The following PCDHA3 variants were observed in gnomAD, a reference collection of about 807,000 sequenced individuals.
PCDHA3 encodes protocadherin alpha-3.
In PCDHA3, 41 loss-of-function variants were observed where a neutral mutation model predicts 62.2. The ratio of observed to expected loss-of-function variants is 0.66; its 90% CI spans 0.51 to 0.86. The LOEUF (loss-of-function observed/expected upper bound fraction) is 0.86. Ranked by LOEUF, PCDHA3 falls within the 40% of genes least tolerant of loss-of-function variation. PCDHA3 has a pLI of 0.00. For synonymous variants in PCDHA3, 640 were observed against 555.4 expected, an observed-to-expected ratio of 1.15 and a Z score of -2.14; for missense variants, 1,304 against 1,241.2, an observed-to-expected ratio of 1.05 and a Z score of -0.76.
chr5:140,875,993 T>C lies in PCDHA3; in HGVS notation c.2394+72402T>C, dbSNP rs574636926. 5 of 1,613,988 alleles carry C rather than the reference T, an allele frequency of 3.1e-6. No homozygotes were observed. The Admixed American group carries it at 6.7e-5, about 22-fold the overall frequency. On this transcript the variant is annotated intron_variant, in intron 1 of 3. Transcript: ENST00000522353. The stretch of plus-strand genomic sequence containing the variant: ...TCTCTTTTGACCTATGCGTTAAGTC[T>C]AAATGAGAATTTTGAGCTTAAAATA...
chr5:140,850,487 T>C (rs2150486193), intron 1 of PCDHA3: 2 of 1,597,790 alleles, frequency 1.3e-6, no homozygotes, highest in East Asian at 2.2e-5. Flanking sequence ...CCACGGCCAC[T>C]GTGCTGGTGT....
chr5:140,946,648 C>A (rs1195536248), intron 1 of PCDHA3, among the ~76,000 whole-genome samples: 2 of 99,274 alleles, frequency 2.0e-5, no homozygotes, highest in African/African-American at 1.2e-4. Flanking sequence ...GAATACTCAT[C>A]AGCCATTAGA....
chr5:140,876,560 C>T (rs2056422143), intron 1 of PCDHA3: 2 of 1,614,068 alleles, frequency 1.2e-6, no homozygotes, highest in African/African-American at 2.7e-5. Flanking sequence ...CAAGAGGATG[C>T]TCAGGTGGGT....
intron 1 of PCDHA3, chr5:140,877,750 T>C (rs782654875): frequency 6.2e-7 from 1 of 1,614,146 alleles, no homozygotes; most frequent in Non-Finnish European, 8.5e-7. Flanking sequence ...GAGGGTGTGC[T>C]CTGCAGAGAG....
rs1375080438 is a variant in PCDHA3, at chr5:140,807,601, G to T, written c.2394+4010G>T. 3 of 1,614,072 alleles carry T rather than the reference G, an allele frequency of 1.9e-6. No individual in the cohort carries two copies. The African/African-American group carries it at 4.0e-5, about 22-fold the overall frequency. ...CGCCGGTGTTCCCAGCAACACAAAA[G>T]AACCTGTCCATCGCGGAATCCAGGC... On this transcript the variant is annotated intron_variant, in intron 1 of 3. Coordinates refer to ENST00000522353, the MANE Select transcript of PCDHA3 (RefSeq NM_018906.3).
intron 1 of PCDHA3, chr5:140,831,249 A>G (rs1232013829): frequency 5.3e-5 from 8 of 152,084 alleles, no homozygotes; most frequent in African/African-American, 1.9e-4. Flanking sequence ...CGGCTCTCTT[A>G]TTTCTGTTTG....
At chr5:140,886,772 G>A (rs910164045) in intron 1 of PCDHA3, among the ~76,000 whole-genome samples, 16 of 143,450 alleles carry the variant, frequency 1.1e-4, no homozygotes, top group Non-Finnish European at 1.8e-4. Flanking sequence ...GTTGCAGTGA[G>A]ATGAGATCAT....
intron 1 of PCDHA3, among the ~76,000 whole-genome samples, chr5:140,964,320 T>C (rs782388382): frequency 1.3e-5 from 2 of 152,206 alleles, no homozygotes; most frequent in Non-Finnish European, 2.9e-5. Context: ...TAAAACAGCA[T>C]AATGGACAAC....
In PCDHA3 at chr5:140,802,004, G is replaced by A; in HGVS notation, c.807G>A (p.Leu269=). 1 of 1,614,202 alleles carries A rather than the reference G, an allele frequency of 6.2e-7. No homozygotes were observed. Among genetic ancestry groups the A allele is most frequent in the Admixed American group, 1.7e-5 (1 of 60,026 alleles). ...TLVVTVNATD[L]DEGVNKDIAY... The stretch of plus-strand genomic sequence containing the variant: ...TGGTGACCGTTAACGCCACCGATTT[G>A]GATGAAGGAGTAAATAAGGATATCG... Residue 269 remains leucine, a synonymous_variant, in exon 1 of 4, where the codon TTG becomes TTA. Coordinates refer to ENST00000522353, the MANE Select transcript of PCDHA3 (RefSeq NM_018906.3).
At chr5:140,927,657 T>A (rs1161396429) in intron 1 of PCDHA3, 6 of 1,614,050 alleles carry the variant, frequency 3.7e-6, no homozygotes, top group Non-Finnish European at 5.1e-6. Flanking sequence ...TATTCCGAGT[T>A]CAAGCCTTGG....
At chr5:140,911,088 C>T (rs1447899502) in intron 1 of PCDHA3, among the ~76,000 whole-genome samples, 3 of 152,092 alleles carry the variant, frequency 2.0e-5, no homozygotes, top group African/African-American at 7.2e-5. Flanking sequence ...ATTATCTTGC[C>T]TGGCAACTGC....
chr5:140,847,992 C>A lies in PCDHA3; in HGVS notation c.2394+44401C>A, dbSNP rs189573491. On this transcript the variant is annotated intron_variant, in intron 1 of 3. Transcript: ENST00000522353. ...CGAGCCATATGGGAGATTCTGAATTCCAGAACAAAAGAATTTTGTAATTTA... is the reference window on the plus strand; with the variant it reads ...CGAGCCATATGGGAGATTCTGAATTACAGAACAAAAGAATTTTGTAATTTA... 9.0e-4 allele frequency: 141 copies of A among 156,078 alleles called. 10 individuals are homozygous for A. The highest frequency in any genetic ancestry group is 1.5e-3 in the Non-Finnish European group (104 of 70,316). The allele number at this position is 156,078 out of a possible 1,614,324, so 9.7% of individuals were successfully genotyped here.
At chr5:140,982,625 T>C in intron 3 of PCDHA3, 62 bp downstream of exon 3, 1 of 1,582,614 alleles carries the variant, frequency 6.3e-7, no homozygotes, top group South Asian at 1.2e-5. Context: ...ATGACCTACT[T>C]TTGTAAGATC....
chr5:140,982,354 A>G, intron 2 of PCDHA3, 121 bp from the exon 3 acceptor site: 2 of 1,512,522 alleles, frequency 1.3e-6, no homozygotes, highest in East Asian at 2.4e-5. Flanking sequence ...CAGTTCAAGC[A>G]TGAGCAGAAT....
intron 1 of PCDHA3, chr5:140,877,101 G>T (rs375706181): frequency 6.8e-6 from 11 of 1,613,354 alleles, no homozygotes; most frequent in Non-Finnish European, 9.3e-6. Flanking sequence ...CCGGCGTGCC[G>T]CCTCTGGGCA....
intron 1 of PCDHA3, chr5:140,882,952 G>A (rs782634608): frequency 3.7e-6 from 6 of 1,614,048 alleles, no homozygotes; most frequent in Non-Finnish European, 5.1e-6. Flanking sequence ...CAGTTCAGCT[G>A]CTCATCACGA....
intron 1 of PCDHA3, chr5:140,828,066 T>G (rs1334678252): frequency 1.9e-6 from 3 of 1,559,958 alleles, no homozygotes; most frequent in Non-Finnish European, 2.6e-6. Context: ...GATCTTCTAA[T>G]GGAAATAAAA....
At chr5:140,967,150 C>T (rs1400431511) in intron 1 of PCDHA3, 1 of 1,611,004 alleles carries the variant, frequency 6.2e-7, no homozygotes, top group Non-Finnish European at 8.5e-7. Context: ...CGCACAACCC[C>T]GTGGCGGTGA....
chr5:140,893,958 T>C (rs1391607597), intron 1 of PCDHA3, among the ~76,000 whole-genome samples: 2 of 152,228 alleles, frequency 1.3e-5, no homozygotes, highest in African/African-American at 4.8e-5. Flanking sequence ...ACTTTATTAG[T>C]CATTAGATAC....
Sources: allele counts gnomAD v4.1 joint callset (sites outside exome capture counted in the v4.1 genomes callset), GRCh38; gene constraint gnomAD v4.1.1; transcripts MANE v1.5; gene names NCBI Gene and HGNC (gene_info 2026-07-23, HGNC 2026-07-21).